The following ATAD1 variants were observed in gnomAD, a reference collection of about 807,000 sequenced individuals.
ATAD1 encodes the protein outer mitochondrial transmembrane helix translocase.
Under a neutral mutation model 42.7 loss-of-function variants are expected in ATAD1, and 18 were observed. The ratio of observed to expected loss-of-function variants is 0.42; its 90% CI spans 0.29 to 0.63. The LOEUF is 0.63. Among genes scored for constraint, ATAD1 ranks in the 20% least tolerant of loss-of-function variants. The pLI, the probability that ATAD1 is intolerant of heterozygous loss-of-function variation, is 0.19. For missense variants in ATAD1, 294 were observed against 440.4 expected, an observed-to-expected ratio of 0.67 and a Z score of 2.98; for synonymous variants, 132 against 143.1, an observed-to-expected ratio of 0.92 and a Z score of 0.55.
intron 2 of ATAD1, among the ~76,000 whole-genome samples, chr10:87,800,345 A>C (rs1012032733): frequency 6.6e-6 from 1 of 151,938 alleles, no homozygotes; most frequent in Non-Finnish European, 1.5e-5. Context: ...TCTCCTTTTA[A>C]AGGGTGTGAA....
intron 8 of ATAD1, among the ~76,000 whole-genome samples, chr10:87,761,452 A>G (rs973112268): frequency 6.6e-6 from 1 of 152,102 alleles, no homozygotes; most frequent in Non-Finnish European, 1.5e-5. Context: ...TCTTGAGCTC[A>G]GGAGTTCTAG....
intron 7 of ATAD1, among the ~76,000 whole-genome samples, chr10:87,769,927 G>A (rs755193456): frequency 1.1e-4 from 16 of 151,720 alleles, no homozygotes; most frequent in Non-Finnish European, 1.3e-4. Context: ...TGGGTGACAG[G>A]CAAGACTCTG....
At chr10:87,776,544 T>G in intron 5 of ATAD1, 117 bp from the exon 6 acceptor site, 3 of 706,578 alleles carry the variant, frequency 4.2e-6, no homozygotes, top group Non-Finnish European at 7.2e-6. Context: ...TTACAGCACA[T>G]TGCAACCTCG....
chr10:87,794,762 A>C (rs929686500), intron 2 of ATAD1, among the ~76,000 whole-genome samples: 1 of 152,240 alleles, frequency 6.6e-6, no homozygotes, highest in African/African-American at 2.4e-5. Flanking sequence ...AAAGCTTTTA[A>C]AATTGCCTCT....
chr10:87,840,109 C>A (rs905766802), intron 1 of ATAD1, among the ~76,000 whole-genome samples: 1 of 152,214 alleles, frequency 6.6e-6, no homozygotes, highest in African/African-American at 2.4e-5. Flanking sequence ...CAGAGTTAAT[C>A]AGGATACTCT....
intron 8 of ATAD1, among the ~76,000 whole-genome samples, chr10:87,757,730 C>G (rs767450920): frequency 1.2e-4 from 18 of 152,334 alleles, no homozygotes; most frequent in East Asian, 1.9e-4. Context: ...CTTTCCCCCA[C>G]TGATGTGAAA....
chr10:87,781,449 G>T (rs1367544619), intron 5 of ATAD1, among the ~76,000 whole-genome samples: 1 of 152,062 alleles, frequency 6.6e-6, no homozygotes, highest in East Asian at 1.9e-4. Flanking sequence ...CTCAAAAATT[G>T]AATTATTTTT....
chr10:87,792,817 T>C (rs1311035129), intron 2 of ATAD1, 62 bp from the exon 3 acceptor site: 2 of 1,217,228 alleles, frequency 1.6e-6, no homozygotes, highest in African/African-American at 1.5e-5. Context: ...CACTTCGAAA[T>C]AGATATATGT....
At chr10:87,779,411 C>T in intron 5 of ATAD1, among the ~76,000 whole-genome samples, 1 of 152,080 alleles carries the variant, frequency 6.6e-6, no homozygotes, top group Non-Finnish European at 1.5e-5. Context: ...AAAATATTTG[C>T]AAACACATAC....
At chr10:87,754,958 C>A (rs1302660165) in intron 9 of ATAD1, 151 bp from the exon 10 acceptor site, 1 of 853,586 alleles carries the variant, frequency 1.2e-6, no homozygotes. Context: ...ATCTCTTTAC[C>A]ATTCAAGACC....
chr10:87,830,625 C>T (rs1857811112), intron 1 of ATAD1, among the ~76,000 whole-genome samples: 1 of 152,132 alleles, frequency 6.6e-6, no homozygotes, highest in African/African-American at 2.4e-5. Flanking sequence ...CTACTTTTAT[C>T]AAGAATAATA....
intron 2 of ATAD1, among the ~76,000 whole-genome samples, chr10:87,812,894 A>G (rs1857251823): frequency 6.6e-6 from 1 of 152,166 alleles, no homozygotes; most frequent in Admixed American, 6.5e-5. Context: ...TTCAACTACC[A>G]CAATCACTGG....
chr10:87,763,335 T>C (rs528671642), intron 8 of ATAD1, among the ~76,000 whole-genome samples: 27 of 152,284 alleles, frequency 1.8e-4, no homozygotes, highest in African/African-American at 6.0e-4. Flanking sequence ...CTTTAAGCTT[T>C]TGCATACACT....
chr10:87,834,472 A>G (rs1174768873), intron 1 of ATAD1, among the ~76,000 whole-genome samples: 1 of 152,040 alleles, frequency 6.6e-6, no homozygotes, highest in Non-Finnish European at 1.5e-5. Flanking sequence ...CAGGTATAGG[A>G]TTCTTCAGGT....
At chr10:87,785,041 A>T (rs1855760111) in intron 4 of ATAD1, among the ~76,000 whole-genome samples, 1 of 152,234 alleles carries the variant, frequency 6.6e-6, no homozygotes, top group Non-Finnish European at 1.5e-5. Flanking sequence ...ATTAGCCTAC[A>T]GAAGGTAAAC....
intron 7 of ATAD1, among the ~76,000 whole-genome samples, chr10:87,768,918 A>G (rs1854898602): frequency 6.6e-6 from 1 of 152,092 alleles, no homozygotes; most frequent in Admixed American, 6.5e-5. Context: ...CCCGTCTGTA[A>G]AAAAATTCAA....
Position 87,814,307 on chromosome 10 carries a change from G to A in ATAD1, c.162+131C>T, listed in dbSNP as rs570509750. On this transcript the variant is annotated intron_variant, in intron 2 of 9. Transcript: ENST00000680024. The stretch of plus-strand genomic sequence containing the variant: ...TACTTTGTAAGAGTAATAAAACTAT[G>A]AGTACCAATACATTTTCATGTGGGT... The A allele has an allele frequency of 3.3e-5, 23 of 702,424 alleles. No homozygotes were observed. In the East Asian group the frequency reaches 6.7e-4, roughly 21 times the overall value. 43.5% of individuals were successfully genotyped at this position (702,424 alleles called of 1,614,324 possible).
intron 2 of ATAD1, among the ~76,000 whole-genome samples, chr10:87,796,613 T>C (rs1455720476): frequency 6.6e-6 from 1 of 152,222 alleles, no homozygotes; most frequent in Non-Finnish European, 1.5e-5. Flanking sequence ...CTCCTGCAGC[T>C]GTGTCATGGT....
At position 87,811,504 on chromosome 10, in the gene ATAD1, G is replaced by A. The variant is rs962218241; in HGVS notation, c.162+2934C>T. ...ATAAAGGAAATGTATCAAGGCTTAC[G>A]CTTCAGCTTACCAATTATGCTGCAT... is the stretch of plus-strand genomic sequence containing the variant. On this transcript the variant is annotated intron_variant, in intron 2 of 9. Transcript: ENST00000680024. Among the ~76,000 whole-genome samples, 8 of 152,178 alleles carry A rather than the reference G, an allele frequency of 5.3e-5. No homozygotes were observed. In the South Asian group the frequency reaches 1.5e-3, roughly 28 times the overall value.
Sources: allele counts gnomAD v4.1 joint callset (sites outside exome capture counted in the v4.1 genomes callset), GRCh38; gene constraint gnomAD v4.1.1; transcripts MANE v1.5; gene names NCBI Gene and HGNC (gene_info 2026-07-23, HGNC 2026-07-21).